The following VCPIP1 variants were observed in gnomAD, a reference collection of about 807,000 sequenced individuals.
VCPIP1 encodes the protein valosin containing protein interacting protein 1, also known as deubiquitinating protein VCPIP1.
In VCPIP1, 8 loss-of-function variants were observed where a neutral mutation model predicts 85.0. The observed-to-expected ratio is 0.09, with a 90% confidence interval of 0.06 to 0.17. VCPIP1 has a LOEUF of 0.17. Ranked by LOEUF, VCPIP1 falls within the 10% of genes least tolerant of loss-of-function variation. The pLI, the probability that VCPIP1 is intolerant of heterozygous loss-of-function variation, is 1.00. For synonymous variants in VCPIP1, 543 were observed against 544.5 expected, an observed-to-expected ratio of 1.00 and a Z score of 0.04; for missense variants, 1,070 against 1,486.3, an observed-to-expected ratio of 0.72 and a Z score of 4.61.
At chr8:66,654,337 G>A (rs559142348) in intron 1 of VCPIP1, among the ~76,000 whole-genome samples, 2 of 152,304 alleles carry the variant, frequency 1.3e-5, no homozygotes, top group African/African-American at 2.4e-5. Context: ...TTAGCCAGGC[G>A]TGGTGGCACA....
rs1810824730 is a variant in VCPIP1, at chr8:66,630,603, TTTTAC to T, written c.*3893_*3897del. Reference sequence around the variant, plus strand: ...TTTTCTTTACTAATTTTTCCTTTTCTTTTACAAGAGAATAATCATTAATATTATAC... The same window carrying T: ...TTTTCTTTACTAATTTTTCCTTTTCTAAGAGAATAATCATTAATATTATAC... On this transcript the variant is annotated 3_prime_UTR_variant, in exon 3 of 3. Coordinates refer to ENST00000310421, the MANE Select transcript of VCPIP1 (RefSeq NM_025054.5). 6.5e-6 allele frequency: 1 copy of T among 152,714 alleles called. No individual in the cohort carries two copies. The highest frequency in any genetic ancestry group is 2.4e-5 in the African/African-American group (1 of 41,564). 9.5% of individuals were successfully genotyped at this position (152,714 alleles called of 1,614,324 possible). A position where few individuals can be genotyped will look rare whatever the true frequency, so the allele number is the denominator to read the frequency against.
intron 1 of VCPIP1, among the ~76,000 whole-genome samples, chr8:66,659,730 A>G (rs964474350): frequency 5.9e-5 from 9 of 152,138 alleles, no homozygotes; most frequent in Non-Finnish European, 1.3e-4. Context: ...CAGGAGTTCG[A>G]GACCAGCATG....
intron 1 of VCPIP1, among the ~76,000 whole-genome samples, chr8:66,658,647 C>T (rs1047917444): frequency 1.7e-4 from 26 of 151,970 alleles, no homozygotes; most frequent in African/African-American, 4.4e-4. Flanking sequence ...CGCCATCATG[C>T]CCGGCTAATT....
intron 2 of VCPIP1, among the ~76,000 whole-genome samples, chr8:66,648,376 C>T (rs1811016087): frequency 6.6e-6 from 1 of 152,140 alleles, no homozygotes; most frequent in African/African-American, 2.4e-5. Flanking sequence ...TGTGGCTGTG[C>T]TCCAATAAAA....
In VCPIP1 at chr8:66,664,719, G is replaced by C. The variant is rs1321069514; in HGVS notation, c.2240C>G (p.Ser747Cys). The C allele has an allele frequency of 1.9e-6, 3 of 1,613,694 alleles. No individual in the cohort carries two copies. Among genetic ancestry groups the C allele is most frequent in the Non-Finnish European group, 2.5e-6 (3 of 1,179,922 alleles). ...QEQKGQPRTV[S>C]PSTIRDGPSS... Reference sequence around the variant, plus strand: ...TGGACCATCACGAATGGTACTGGGAGAAACAGTCCTGGGTTGCCCTTTTTG... The same window carrying C: ...TGGACCATCACGAATGGTACTGGGACAAACAGTCCTGGGTTGCCCTTTTTG... The change falls in exon 1 of 3, where the codon TCT becomes TGT. Residue 747 changes from serine (S) to cysteine (C), a missense_variant. Physicochemically the swap from Ser to Cys is moderately radical, Grantham distance 112 (BLOSUM62 -1). Around this residue, in one of 8 missense-constraint regions of VCPIP1, gnomAD observed 278 missense variants for 298.5 expected, o/e 0.93. Transcript: ENST00000310421.
chr8:66,663,279 T>C (rs1295183477), intron 1 of VCPIP1, among the ~76,000 whole-genome samples: 1 of 152,096 alleles, frequency 6.6e-6, no homozygotes, highest in Non-Finnish European at 1.5e-5. Flanking sequence ...AGGAGTAGTA[T>C]TCATTTTGAT....
At position 66,667,150 on chromosome 8, in the gene VCPIP1, G is replaced by T; in HGVS notation, c.-192C>A. 2 of 1,276,222 alleles carry T rather than the reference G, an allele frequency of 1.6e-6. No individual in the cohort carries two copies. Among genetic ancestry groups the T allele is most frequent in the Non-Finnish European group, 2.1e-6 (2 of 973,414 alleles). 79.1% of individuals were successfully genotyped at this position (1,276,222 alleles called of 1,614,324 possible). ...TTTCTCTTCTTACTTCTCCACTGCC[G>T]TAGCCGTTGCCCCGAACGTAACGGC... is the stretch of plus-strand genomic sequence containing the variant. On this transcript the variant is annotated 5_prime_UTR_variant, in exon 1 of 3. Transcript: ENST00000310421.
chr8:66,653,119 A>C (rs1811069153), intron 1 of VCPIP1, among the ~76,000 whole-genome samples: 1 of 152,236 alleles, frequency 6.6e-6, no homozygotes, highest in Non-Finnish European at 1.5e-5. Context: ...AGAAGACTTG[A>C]CAATTAAAGT....
Position 66,634,959 on chromosome 8 carries a change from C to A in VCPIP1, c.3211G>T (p.Val1071Leu). 1.9e-6 allele frequency: 3 copies of A among 1,613,512 alleles called. No individual in the cohort carries two copies. The highest frequency in any genetic ancestry group is 2.5e-6 in the Non-Finnish European group (3 of 1,179,522). Residue 1071 changes from valine (V) to leucine (L), a missense_variant, in exon 3 of 3, where the codon GTA (valine) becomes TTA (leucine). By Grantham distance (32) the Val-to-Leu change is conservative. This residue lies in a region of VCPIP1 where 255 missense variants were observed against 289.5 expected (regional missense o/e 0.88). Coordinates refer to ENST00000310421, the MANE Select transcript of VCPIP1 (RefSeq NM_025054.5). ...CTATTACTAGAAGAAGCTGTGAATACAGAAGGCTCTGTTTTAGTGGAACTA... is the reference window on the plus strand; with the variant it reads ...CTATTACTAGAAGAAGCTGTGAATAAAGAAGGCTCTGTTTTAGTGGAACTA... ...SNSSTKTEPS[V>L]FTASSSNSEL... is the part of the protein sequence containing the mutation.
intron 1 of VCPIP1, among the ~76,000 whole-genome samples, chr8:66,654,725 C>T (rs1811083414): frequency 6.6e-6 from 1 of 152,200 alleles, no homozygotes; most frequent in Non-Finnish European, 1.5e-5. Flanking sequence ...GCATTTCTCT[C>T]CAACCCTCCT....
Position 66,666,537 on chromosome 8 carries a change from T to C in VCPIP1, c.422A>G (p.Lys141Arg), listed in dbSNP as rs757507168. ...GAGAAGCTTGGCCCGGCCTGTCTGT[T>C]TGTCCATTCCATAGCGAGCTAATAT... ...SPILARYGMD[K>R]QTGRAKLLRD... Residue 141 changes from lysine (K) to arginine (R), a missense_variant, in exon 1 of 3, where the codon AAA becomes AGA. Physicochemically the swap from Lys to Arg is conservative, Grantham distance 26. Around this residue, in one of 8 missense-constraint regions of VCPIP1, gnomAD observed 118 missense variants for 337.1 expected, o/e 0.35. Transcript: ENST00000310421. The surrounding 1 kb of genome is among the most constrained non-coding windows in gnomAD (Gnocchi z 6.3). 2.4e-5 allele frequency: 39 copies of C among 1,614,042 alleles called. No homozygotes were observed. Among genetic ancestry groups the C allele is most frequent in the Non-Finnish European group, 3.0e-5 (35 of 1,180,028 alleles).
chr8:66,642,280 CTGT>C (rs1810955580), intron 2 of VCPIP1, among the ~76,000 whole-genome samples: 1 of 152,032 alleles, frequency 6.6e-6, no homozygotes, highest in Non-Finnish European at 1.5e-5. Context: ...CCATTTTTAA[CTGT>C]TATTTGTCTT....
chr8:66,641,075 G>A (rs910576309), intron 2 of VCPIP1, among the ~76,000 whole-genome samples: 29 of 152,210 alleles, frequency 1.9e-4, no homozygotes, highest in Admixed American at 1.4e-3. Context: ...GGGCCGCACA[G>A]AGTTCTACTC....
At chr8:66,647,890 T>C (rs1293960554) in intron 2 of VCPIP1, among the ~76,000 whole-genome samples, 2 of 152,034 alleles carry the variant, frequency 1.3e-5, no homozygotes, top group Non-Finnish European at 2.9e-5. Context: ...CACAATTGAT[T>C]CTCCCACCTC....
intron 2 of VCPIP1, among the ~76,000 whole-genome samples, chr8:66,641,805 T>C (rs1200176722): frequency 6.6e-6 from 1 of 152,258 alleles, no homozygotes; most frequent in Non-Finnish European, 1.5e-5. Flanking sequence ...TATTTCACTG[T>C]ATGGCTATAA....
intron 1 of VCPIP1, 132 bp from the exon 2 acceptor site, chr8:66,651,676 T>G: frequency 1.6e-6 from 1 of 615,252 alleles, no homozygotes. Flanking sequence ...TGACACGCCA[T>G]AGAGGGATGA....
At position 66,635,081 on chromosome 8, in the gene VCPIP1, T is replaced by C. The variant is rs373192233; in HGVS notation, c.3089A>G (p.His1030Arg). 7 of 1,614,106 alleles carry C rather than the reference T, an allele frequency of 4.3e-6. No homozygotes were observed. The highest frequency in any genetic ancestry group is 5.9e-6 in the Non-Finnish European group (7 of 1,180,046). Reference protein sequence around the residue: ...HNVTAFQGKGHSLGTASGNPH... With the variant: ...HNVTAFQGKGRSLGTASGNPH... ...GTTACCAGATGCAGTTCCTAAAGAA[T>C]GCCCTTTTCCCTGAAAGGCAGTTAC... Residue 1030 changes from histidine (H) to arginine (R), a missense_variant, in exon 3 of 3, where the codon CAT (histidine) becomes CGT (arginine). By Grantham distance (29) the His-to-Arg change is conservative (BLOSUM62 0). Coordinates refer to ENST00000310421, the MANE Select transcript of VCPIP1 (RefSeq NM_025054.5).
chr8:66,644,368 T>C (rs954082401), intron 2 of VCPIP1, among the ~76,000 whole-genome samples: 4 of 152,162 alleles, frequency 2.6e-5, no homozygotes, highest in African/African-American at 9.6e-5. Flanking sequence ...GCAAGTAAAG[T>C]TCGTTCAACA....
intron 2 of VCPIP1, among the ~76,000 whole-genome samples, chr8:66,650,761 C>T (rs750867493): frequency 3.5e-5 from 5 of 142,228 alleles, no homozygotes; most frequent in Non-Finnish European, 7.6e-5. Flanking sequence ...TACACATGGC[C>T]GGGCGTGGTG....
Sources: allele counts gnomAD v4.1 joint callset (sites outside exome capture counted in the v4.1 genomes callset), GRCh38; gene constraint gnomAD v4.1.1; regional missense constraint gnomAD v4.1.1; non-coding constraint Gnocchi (gnomAD v3.1); transcripts MANE v1.5; gene names NCBI Gene and HGNC (gene_info 2026-07-23, HGNC 2026-07-21).